The following VLDLR variants were observed in gnomAD, a reference collection of about 807,000 sequenced individuals.
VLDLR encodes the protein very low density lipoprotein receptor, also known as very low-density lipoprotein receptor.
VLDLR carries 81 observed loss-of-function variants against 112.7 expected under a neutral mutation model. The ratio of observed to expected loss-of-function variants is 0.72; its 90% CI spans 0.60 to 0.86. VLDLR has a LOEUF of 0.86. Ranked by LOEUF, VLDLR falls within the 40% of genes least tolerant of loss-of-function variation. The pLI, the probability that VLDLR is intolerant of heterozygous loss-of-function variation, is 0.00. For missense variants in VLDLR, 1,237 were observed against 1,099.4 expected (o/e 1.13, Z -1.77); for synonymous variants, 436 against 384.8 (o/e 1.13, Z -1.56).
intron 7 of VLDLR, among the ~76,000 whole-genome samples, chr9:2,644,325 ATTT>A (rs374242751): frequency 2.4e-5 from 3 of 122,988 alleles, no homozygotes; most frequent in African/African-American, 9.6e-5. Flanking sequence ...CGCCCGGCTA[ATTT>A]TTTTTTTTTT....
intron 1 of VLDLR, among the ~76,000 whole-genome samples, chr9:2,624,057 C>T (rs986539838): frequency 6.6e-6 from 1 of 152,152 alleles, no homozygotes; most frequent in Non-Finnish European, 1.5e-5. Flanking sequence ...CATGTCCCTT[C>T]CACTAGAGGT....
At chr9:2,650,756 G>T (rs1818292539) in intron 15 of VLDLR, among the ~76,000 whole-genome samples, 1 of 152,146 alleles carries the variant, frequency 6.6e-6, no homozygotes, top group Admixed American at 6.5e-5. Flanking sequence ...TTTGTACCTA[G>T]TCCCTTAACA....
rs775125623 is a variant in VLDLR at position 2,653,905 on chromosome 9, A to C, written c.*37A>C. On this transcript the variant is annotated 3_prime_UTR_variant, in exon 19 of 19. Transcript: ENST00000382100. ...AATGTTGACCTTTGAGGTCTAAACA[A>C]ATAATACCCCCGTCGGAATGGTAAC... 13 of 1,611,196 alleles carry C rather than the reference A, an allele frequency of 8.1e-6. No individual in the cohort carries two copies. The highest frequency in any genetic ancestry group is 3.3e-5 in the Admixed American group (2 of 60,000).
chr9:2,651,827 G>A (rs755084963), intron 16 of VLDLR, 47 bp from the exon 17 acceptor site: 3 of 1,609,648 alleles, frequency 1.9e-6, no homozygotes, highest in South Asian at 2.2e-5. Context: ...AAATTTCTAA[G>A]TCTGAATACA....
chr9:2,649,405 T>C (rs555328694), intron 14 of VLDLR, among the ~76,000 whole-genome samples: 1 of 152,246 alleles, frequency 6.6e-6, no homozygotes, highest in East Asian at 1.9e-4. Context: ...TTTTTCTGTT[T>C]TTTGGAGACT....
chr9:2,653,627 C>T (rs1332921888), intron 18 of VLDLR, among the ~76,000 whole-genome samples: 1 of 152,210 alleles, frequency 6.6e-6, no homozygotes, highest in Non-Finnish European at 1.5e-5. Context: ...GTCACACTAT[C>T]TTATCTCACT....
chr9:2,633,631 G>A (rs1198437481), intron 1 of VLDLR, among the ~76,000 whole-genome samples: 4 of 151,840 alleles, frequency 2.6e-5, no homozygotes, highest in African/African-American at 2.4e-5. Flanking sequence ...AAAAATCAGA[G>A]GCTTTCAGTC....
rs1818587962 is a variant in VLDLR, at chr9:2,655,975, A to G, written c.*2107A>G. The G allele has an allele frequency of 4.6e-5, 7 of 151,920 alleles. No individual in the cohort carries two copies. The allele number at this position is 151,920 out of a possible 1,614,324, so 9.4% of individuals were successfully genotyped here. On this transcript the variant is annotated 3_prime_UTR_variant, in exon 19 of 19. Transcript: ENST00000382100. ...GATTTTTTTTTTTTTAACTGGAGTA[A>G]TACCAAATTCCCTTTAGAAGCTTGA...
intron 18 of VLDLR, among the ~76,000 whole-genome samples, chr9:2,653,209 A>G (rs1818430943): frequency 6.6e-6 from 1 of 152,236 alleles, no homozygotes; most frequent in South Asian, 2.1e-4. Context: ...AATGACATGT[A>G]AATACTAGCA....
At chr9:2,651,998 T>C in intron 17 of VLDLR, 44 bp downstream of exon 17, 1 of 1,590,836 alleles carries the variant, frequency 6.3e-7, no homozygotes, top group Non-Finnish European at 8.6e-7. Flanking sequence ...ACTTCTTAGA[T>C]ACCAGATGAA....
At chr9:2,623,498 G>C (rs907581464) in intron 1 of VLDLR, among the ~76,000 whole-genome samples, 3 of 152,228 alleles carry the variant, frequency 2.0e-5, no homozygotes, top group African/African-American at 7.2e-5. Context: ...ACGTGCTCCT[G>C]AAGTGAGAGC....
intron 1 of VLDLR, among the ~76,000 whole-genome samples, chr9:2,628,216 T>C (rs940494320): frequency 2.6e-5 from 4 of 152,086 alleles, no homozygotes; most frequent in Admixed American, 6.5e-5. Flanking sequence ...GCTGAACTCA[T>C]CTCCTTGGGT....
Position 2,645,745 on chromosome 9 carries a change from G to GGTAAC in VLDLR, c.1484+1_1484+5dup. The GGTAAC allele has an allele frequency of 6.2e-7, 1 of 1,614,124 alleles. No individual in the cohort carries two copies. Among genetic ancestry groups the GGTAAC allele is most frequent in the Non-Finnish European group, 8.5e-7 (1 of 1,180,024 alleles). ...GATCTAAGCCAAAAGGCTATCTTCA[G>GGTAAC]GTAACTTTCAGTTCCTTTTGTGGTG... On this transcript the variant is annotated stop_gained and frameshift_variant and splice_region_variant. Transcript: ENST00000382100. LOFTEE classifies it high-confidence loss of function.
intron 2 of VLDLR, 73 bp downstream of exon 2, chr9:2,635,645 A>G (rs1817571354): frequency 6.2e-7 from 1 of 1,604,484 alleles, no homozygotes; most frequent in Middle Eastern, 1.7e-4. Flanking sequence ...ATGTATTGAG[A>G]TTCTGAAAAT....
chr9:2,645,434 G>T (rs1180059711), intron 9 of VLDLR, 140 bp from the exon 10 acceptor site: 2 of 1,081,012 alleles, frequency 1.9e-6, no homozygotes, highest in Non-Finnish European at 2.8e-6. Context: ...GGTCCCAGGG[G>T]CAGGAACTCC....
intron 1 of VLDLR, among the ~76,000 whole-genome samples, chr9:2,632,365 T>G (rs12336893): frequency 0.12 from 18,995 of 152,106 alleles, 2,147 homozygotes; most frequent in African/African-American, 0.3. Flanking sequence ...TTTTGCCCCA[T>G]CTTCTCACCT....
chr9:2,644,011 G>A (rs1162074232), intron 7 of VLDLR, 52 bp downstream of exon 7: 4 of 1,613,422 alleles, frequency 2.5e-6, no homozygotes, highest in Non-Finnish European at 3.4e-6. Flanking sequence ...ACACAATCCA[G>A]TATAGCTAAC....
intron 3 of VLDLR, 112 bp from the exon 4 acceptor site, chr9:2,641,265 C>G: frequency 2.6e-6 from 4 of 1,545,394 alleles, no homozygotes; most frequent in Non-Finnish European, 3.6e-6. Context: ...TAGAATTTCA[C>G]CAGTGTGCCA....
Position 2,650,432 on chromosome 9 carries a change from C to G in VLDLR, c.2167C>G (p.Pro723Ala). ...ATGTGAATACCTATGCCTGCCAGCA[C>G]CACAGATTAATGATCACTCTCCAAA... ...GGCEYLCLPAPQINDHSPKYT... is the reference protein window; with the variant it reads ...GGCEYLCLPAAQINDHSPKYT... Residue 723 changes from proline (P) to alanine (A), a missense_variant, in exon 15 of 19, where the codon CCA becomes GCA. Coordinates refer to ENST00000382100, the MANE Select transcript of VLDLR (RefSeq NM_003383.5). 1 of 1,614,042 alleles carries G rather than the reference C, an allele frequency of 6.2e-7. No homozygotes were observed. Among genetic ancestry groups the G allele is most frequent in the Non-Finnish European group, 8.5e-7 (1 of 1,179,994 alleles).
Sources: allele counts gnomAD v4.1 joint callset (sites outside exome capture counted in the v4.1 genomes callset), GRCh38; gene constraint gnomAD v4.1.1; transcripts MANE v1.5; gene names NCBI Gene and HGNC (gene_info 2026-07-23, HGNC 2026-07-21).